Variants in SNX25 observed in about 807,000 individuals in gnomAD.
The protein encoded by SNX25 is sorting nexin-25.
Under a neutral mutation model 113.7 loss-of-function variants are expected in SNX25, and 62 were observed. The observed-to-expected ratio is 0.55, with a 90% CI of 0.44 to 0.67. The LOEUF (loss-of-function observed/expected upper bound fraction) is 0.67. SNX25 is among the 30% of genes least tolerant of loss of function. The probability of loss-of-function intolerance (pLI) is 0.00; values close to 1 mark genes in which losing one functional copy is unlikely to be tolerated. For missense variants in SNX25, 1,014 were observed against 1,161.0 expected, an observed-to-expected ratio of 0.87 and a Z score of 1.84; for synonymous variants, 421 against 436.2, an observed-to-expected ratio of 0.97 and a Z score of 0.43.
rs77009974 is a variant in SNX25, at chr4:185,357,623, A to G, written c.2585-48A>G. 273 of 1,463,234 alleles carry G rather than the reference A, an allele frequency of 1.9e-4. No individual in the cohort carries two copies. In the East Asian group the frequency reaches 6.1e-3, roughly 32 times the overall value. The allele number at this position is 1,463,234 out of a possible 1,614,324, so 90.6% of individuals were successfully genotyped here. On this transcript the variant is annotated intron_variant, in intron 15 of 18. Transcript: ENST00000652585. ...TTTGTACAGCTATGAAAATGTCCCAAATTGTGATGCCCTGTGATAAAAAGT... is the reference window on the plus strand; with the variant it reads ...TTTGTACAGCTATGAAAATGTCCCAGATTGTGATGCCCTGTGATAAAAAGT...
intron 6 of SNX25, among the ~76,000 whole-genome samples, chr4:185,307,129 G>A (rs866113512): frequency 3.3e-5 from 5 of 152,210 alleles, no homozygotes; most frequent in African/African-American, 4.8e-5. Context: ...TTATGGTGCT[G>A]TGTCTAAGTT....
At chr4:185,296,135 C>A (rs906888096) in intron 6 of SNX25, 4 of 152,178 alleles carry the variant, frequency 2.6e-5, no homozygotes, top group African/African-American at 7.2e-5. Flanking sequence ...AAGGGCCTAG[C>A]TAGTTCTCTC....
intron 6 of SNX25, among the ~76,000 whole-genome samples, chr4:185,296,641 T>A (rs899678348): frequency 8.6e-5 from 13 of 151,784 alleles, no homozygotes; most frequent in East Asian, 1.9e-4. Flanking sequence ...AAAAAAAAAA[T>A]TTTTTTTGAG....
chr4:185,233,592 T>C (rs560214433), intron 1 of SNX25, among the ~76,000 whole-genome samples: 1 of 152,352 alleles, frequency 6.6e-6, no homozygotes, highest in Admixed American at 6.5e-5. Context: ...AGTTTGCTTT[T>C]CTTCATTCTT....
intron 16 of SNX25, 106 bp from the exon 17 acceptor site, chr4:185,361,818 C>A: frequency 2.3e-6 from 2 of 882,302 alleles, no homozygotes; most frequent in Non-Finnish European, 3.3e-6. Context: ...ATTCATCAAA[C>A]ACTTAGATCA....
At chr4:185,265,210 A>T (rs1273387453) in intron 4 of SNX25, among the ~76,000 whole-genome samples, 1 of 152,194 alleles carries the variant, frequency 6.6e-6, no homozygotes, top group Non-Finnish European at 1.5e-5. Flanking sequence ...ACAGTAATGC[A>T]TTGCTTAACA....
chr4:185,279,635 T>C (rs975655831), intron 5 of SNX25, among the ~76,000 whole-genome samples: 1 of 152,188 alleles, frequency 6.6e-6, no homozygotes, highest in African/African-American at 2.4e-5. Context: ...TAAAATGAGA[T>C]ATTTTTTCTT....
At chr4:185,207,567 CT>C (rs141853362), upstream of SNX25, among the ~76,000 whole-genome samples, 11 of 151,472 alleles carry the variant, frequency 7.3e-5, no homozygotes, top group South Asian at 4.2e-4. Context: ...AGAATTTAAC[CT>C]TTTTTTTTCT....
At chr4:185,313,616 CA>C (rs1190802774) in intron 7 of SNX25, among the ~76,000 whole-genome samples, 1 of 152,012 alleles carries the variant, frequency 6.6e-6, no homozygotes, top group Non-Finnish European at 1.5e-5. Flanking sequence ...CAATATATCC[CA>C]CAATTATTTG....
intron 1 of SNX25, among the ~76,000 whole-genome samples, chr4:185,224,419 A>G (rs894881545): frequency 2.2e-5 from 3 of 138,604 alleles, no homozygotes; most frequent in Admixed American, 1.5e-4. Flanking sequence ...AGATATATAA[A>G]AATATATAAA....
chr4:185,339,611 C>T, intron 11 of SNX25, 101 bp downstream of exon 11: 2 of 1,421,582 alleles, frequency 1.4e-6, no homozygotes, highest in Non-Finnish European at 1.9e-6. Context: ...AAAACTTACA[C>T]TCATTCTTTT....
At chr4:185,264,719 C>T in intron 4 of SNX25, 109 bp downstream of exon 4, 1 of 1,210,870 alleles carries the variant, frequency 8.3e-7, no homozygotes, top group Non-Finnish European at 1.1e-6. Flanking sequence ...TTTTCAAAAT[C>T]TTGTTTATAT....
At chr4:185,362,904 A>G (rs2095372480) in intron 18 of SNX25, among the ~76,000 whole-genome samples, 193 bp downstream of exon 18, 1 of 138,982 alleles carries the variant, frequency 7.2e-6, no homozygotes, top group Admixed American at 8.0e-5. Context: ...GTGCAATGGC[A>G]CGATCTTGGC....
intron 13 of SNX25, among the ~76,000 whole-genome samples, chr4:185,349,795 G>C (rs191926067): frequency 6.6e-6 from 1 of 152,068 alleles, no homozygotes; most frequent in Admixed American, 6.5e-5. Context: ...ATAATTTAAG[G>C]CCAAAGATTT....
intron 1 of SNX25, among the ~76,000 whole-genome samples, chr4:185,240,504 C>T (rs1165782813): frequency 6.1e-5 from 9 of 148,286 alleles, no homozygotes; most frequent in African/African-American, 1.5e-4. Context: ...CCGGATGGGG[C>T]GGCTGGCTGG....
intron 3 of SNX25, among the ~76,000 whole-genome samples, chr4:185,260,308 T>A (rs927953152): frequency 6.6e-6 from 1 of 152,150 alleles, no homozygotes; most frequent in African/African-American, 2.4e-5. Context: ...TTCTCTACAT[T>A]CTTAAAAGTT....
intron 1 of SNX25, among the ~76,000 whole-genome samples, chr4:185,212,451 A>G (rs1373673524): frequency 1.4e-5 from 2 of 144,106 alleles, no homozygotes; most frequent in Non-Finnish European, 3.0e-5. Context: ...TGTATTTCCA[A>G]TAATTTGTGT....
rs569563640 is a variant in SNX25, at chr4:185,302,049, G to A, written c.1163-8586G>A. Among the ~76,000 whole-genome samples the A allele has an allele frequency of 6.0e-5, 9 of 149,990 alleles. No homozygotes were observed. In the South Asian group the frequency reaches 6.4e-4, roughly 11 times the overall value. ...TGAGTAGCTGGGATTACAGGTGCCC[G>A]TCACCACATGCAGCTAATTTTTGTA... On this transcript the variant is annotated intron_variant, in intron 6 of 18. Transcript: ENST00000652585.
At position 185,288,096 on chromosome 4, in the gene SNX25, T is replaced by G; in HGVS notation, c.1162+14T>G. ...AGAGGCACAAAGGTAAGAGCCAGGTTGTTTTCTTCAGTTCCACATCTGAAA... is the reference window on the plus strand; with the variant it reads ...AGAGGCACAAAGGTAAGAGCCAGGTGGTTTTCTTCAGTTCCACATCTGAAA... On this transcript the variant is annotated intron_variant, in intron 6 of 18. Transcript: ENST00000652585. 1 of 1,609,974 alleles carries G rather than the reference T, an allele frequency of 6.2e-7. No individual in the cohort carries two copies. The highest frequency in any genetic ancestry group is 8.5e-7 in the Non-Finnish European group (1 of 1,177,816).
Sources: gnomAD v4.1 joint callset for allele counts (sites outside exome capture counted in the v4.1 genomes callset) on GRCh38, gnomAD v4.1.1 for gene constraint, MANE v1.5 for transcripts, NCBI Gene and HGNC (gene_info 2026-07-23, HGNC 2026-07-21) for gene names.